NBAS: variants seen among roughly 807,000 people sequenced by gnomAD.
The protein encoded by NBAS is NAG/BC035112 fusion.
NBAS carries 219 observed loss-of-function variants against 302.5 expected under a neutral mutation model. The ratio of observed to expected loss-of-function variants is 0.72; its 90% CI spans 0.65 to 0.81. NBAS has a LOEUF of 0.81. NBAS is among the 30% of genes least tolerant of loss of function. NBAS has a pLI of 0.00. For missense variants in NBAS, 2,932 were observed against 2,841.6 expected (o/e 1.03, Z -0.72); for synonymous variants, 1,118 against 1,021.6 (o/e 1.09, Z -1.80).
the NBAS span, among the ~76,000 whole-genome samples, chr2:15,031,694 C>T: frequency 2.6e-5 from 4 of 152,238 alleles, no homozygotes; most frequent in Admixed American, 6.5e-5. Flanking sequence ...GAAAACCCAA[C>T]TTATTCATGC....
the NBAS span, among the ~76,000 whole-genome samples, chr2:14,834,206 G>A: frequency 6.6e-6 from 1 of 152,174 alleles, no homozygotes; most frequent in Non-Finnish European, 1.5e-5. Context: ...CAAAATGAAT[G>A]TTGAATAGCC....
At chr2:15,550,133 G>A (rs566037685) in intron 6 of NBAS, among the ~76,000 whole-genome samples, 3 of 152,082 alleles carry the variant, frequency 2.0e-5, no homozygotes, top group East Asian at 1.9e-4. Flanking sequence ...ACTGCACTCC[G>A]GCCTGGCAAC....
chr2:14,784,784 A>C, the NBAS span, among the ~76,000 whole-genome samples: 1 of 152,104 alleles, frequency 6.6e-6, no homozygotes, highest in African/African-American at 2.4e-5. Flanking sequence ...TTGTCTTAGG[A>C]TTGACTTGGC....
At chr2:15,551,380 G>A (rs562159276) in intron 6 of NBAS, 113 bp downstream of exon 6, 4 of 580,256 alleles carry the variant, frequency 6.9e-6, no homozygotes, top group Non-Finnish European at 8.6e-6. Context: ...TATTTTAATA[G>A]TCATGATAAT....
At chr2:15,466,851 C>A (rs1354481021) in intron 19 of NBAS, among the ~76,000 whole-genome samples, 1 of 151,534 alleles carries the variant, frequency 6.6e-6, no homozygotes, top group Non-Finnish European at 1.5e-5. Context: ...GGATGAGAAT[C>A]GCCTGAACCC....
chr2:15,012,532 A>C, the NBAS span, among the ~76,000 whole-genome samples: 2 of 152,192 alleles, frequency 1.3e-5, no homozygotes, highest in East Asian at 3.9e-4. Flanking sequence ...AGAGAGATGG[A>C]CATCCAGATC....
At chr2:15,350,538 A>G (rs904491724) in intron 35 of NBAS, among the ~76,000 whole-genome samples, 1 of 152,180 alleles carries the variant, frequency 6.6e-6, no homozygotes, top group Non-Finnish European at 1.5e-5. Flanking sequence ...CCCTGGAGCA[A>G]ACACTGACCA....
At chr2:15,354,991 A>G (rs1215001967) in intron 33 of NBAS, among the ~76,000 whole-genome samples, 8 of 152,204 alleles carry the variant, frequency 5.3e-5, no homozygotes, top group African/African-American at 1.2e-4. Flanking sequence ...CCTGCTGGCT[A>G]CAAATGTCCA....
the NBAS span, among the ~76,000 whole-genome samples, chr2:14,962,636 T>A: frequency 6.6e-6 from 1 of 152,144 alleles, no homozygotes; most frequent in African/African-American, 2.4e-5. Context: ...GATGGTGCAT[T>A]GTTCAGGGTA....
At chr2:15,222,702 G>GTAATTGGT (rs2147897925) in intron 47 of NBAS, among the ~76,000 whole-genome samples, 1 of 152,254 alleles carries the variant, frequency 6.6e-6, no homozygotes, top group East Asian at 1.9e-4. Flanking sequence ...ACTTGTCCAA[G>GTAATTGGT]GTCACACAGT....
At chr2:15,438,822 G>GCT (rs1317093632) in intron 21 of NBAS, among the ~76,000 whole-genome samples, 1 of 152,102 alleles carries the variant, frequency 6.6e-6, no homozygotes. Flanking sequence ...ACTAAGCACT[G>GCT]CTCAGTGTGT....
chr2:15,270,818 A>G (rs369030507), intron 44 of NBAS, among the ~76,000 whole-genome samples: 1 of 152,186 alleles, frequency 6.6e-6, no homozygotes, highest in Non-Finnish European at 1.5e-5. Flanking sequence ...AATGTCTCCT[A>G]TGGAAAATAA....
At chr2:15,521,757 T>C (rs911790479) in intron 9 of NBAS, among the ~76,000 whole-genome samples, 2 of 152,192 alleles carry the variant, frequency 1.3e-5, no homozygotes, top group African/African-American at 4.8e-5. Flanking sequence ...TGCCTAGAGT[T>C]ATCTAGACCA....
At chr2:15,065,843 A>G in the NBAS span, among the ~76,000 whole-genome samples, 1 of 152,244 alleles carries the variant, frequency 6.6e-6, no homozygotes, top group African/African-American at 2.4e-5. Flanking sequence ...ATTCAACACT[A>G]TCTCCATCAA....
chr2:15,050,456 T>G, the NBAS span, among the ~76,000 whole-genome samples: 2 of 152,064 alleles, frequency 1.3e-5, no homozygotes, highest in Admixed American at 1.3e-4. Context: ...CCCAGCAAGG[T>G]CTCAGGCAGC....
chr2:15,302,647 A>G (rs565219284), intron 40 of NBAS, among the ~76,000 whole-genome samples: 1 of 152,276 alleles, frequency 6.6e-6, no homozygotes, highest in African/African-American at 2.4e-5. Context: ...GGAAGAGACA[A>G]TTTGATAGAT....
chr2:15,547,646 C>A (rs915048825), intron 6 of NBAS, among the ~76,000 whole-genome samples: 12 of 152,274 alleles, frequency 7.9e-5, no homozygotes, highest in African/African-American at 2.9e-4. Context: ...CAAAAGAACC[C>A]TGTATATCTG....
chr2:15,278,996 T>C (rs1188410193), intron 42 of NBAS, among the ~76,000 whole-genome samples: 1 of 152,172 alleles, frequency 6.6e-6, no homozygotes, highest in Non-Finnish European at 1.5e-5. Flanking sequence ...ATTCAACGAA[T>C]ACCATCATCT....
intron 44 of NBAS, among the ~76,000 whole-genome samples, chr2:15,245,540 G>A (rs1179184151): frequency 6.6e-6 from 1 of 151,976 alleles, no homozygotes; most frequent in Non-Finnish European, 1.5e-5. Context: ...CTTATTGTTT[G>A]TCACTGCTAC....
Sources: allele counts gnomAD v4.1 joint callset (sites outside exome capture counted in the v4.1 genomes callset), GRCh38; gene constraint gnomAD v4.1.1; transcripts MANE v1.5; gene names NCBI Gene and HGNC (gene_info 2026-07-23, HGNC 2026-07-21).